The following HS6ST3 variants were observed in gnomAD, a reference collection of about 807,000 sequenced individuals.
The protein encoded by HS6ST3 is heparan-sulfate 6-O-sulfotransferase 3.
A neutral mutation model predicts 36.7 loss-of-function variants in HS6ST3; 12 were observed. The observed-to-expected ratio is 0.33, with a 90% CI of 0.21 to 0.53. HS6ST3 has a LOEUF of 0.53. Among genes scored for constraint, HS6ST3 ranks in the 20% least tolerant of loss-of-function variants. The probability of loss-of-function intolerance (pLI) is 0.95; values close to 1 mark genes in which losing one functional copy is unlikely to be tolerated. For missense variants in HS6ST3, 584 were observed against 640.9 expected, an observed-to-expected ratio of 0.91 and a Z score of 0.96; for synonymous variants, 240 against 257.5, an observed-to-expected ratio of 0.93 and a Z score of 0.65.
intron 1 of HS6ST3, among the ~76,000 whole-genome samples, chr13:96,627,873 CTTCTTT>C (rs1200676976): frequency 2.6e-5 from 4 of 151,672 alleles, no homozygotes; most frequent in Non-Finnish European, 5.9e-5. Flanking sequence ...GAAGTTATAT[CTTCTTT>C]TTCATCTCAG....
At position 96,755,137 on chromosome 13, in the gene HS6ST3, T is replaced by C. The variant is rs549607710; in HGVS notation, c.708-77353T>C. 4.8e-3 allele frequency among the ~76,000 whole-genome samples: 726 copies of C among 152,084 alleles called. 4 individuals carry two copies. The highest frequency in any genetic ancestry group is 7.7e-3 in the Non-Finnish European group (521 of 67,984). Reference sequence around the variant, plus strand: ...ATACATTTTCTTCACCCCAGAAAGTTTTTTTTTGTACTCATTTCTGGTCAA... The same window carrying C: ...ATACATTTTCTTCACCCCAGAAAGTCTTTTTTTGTACTCATTTCTGGTCAA... On this transcript the variant is annotated intron_variant, in intron 1 of 1. Transcript: ENST00000376705.
chr13:96,165,009 A>G (rs1594700768), intron 1 of HS6ST3, among the ~76,000 whole-genome samples: 1 of 152,170 alleles, frequency 6.6e-6, no homozygotes, highest in East Asian at 1.9e-4. Context: ...GTCATGAAAT[A>G]TTGATTTCAG....
At chr13:96,676,171 C>T (rs979905542) in intron 1 of HS6ST3, among the ~76,000 whole-genome samples, 1 of 152,110 alleles carries the variant, frequency 6.6e-6, no homozygotes, top group African/African-American at 2.4e-5. Context: ...ATTCTGGATG[C>T]TGGGAGTTTG....
chr13:96,725,897 C>A (rs1465729117), intron 1 of HS6ST3, among the ~76,000 whole-genome samples: 1 of 151,878 alleles, frequency 6.6e-6, no homozygotes, highest in Admixed American at 6.6e-5. Context: ...AGTGCAGTGG[C>A]GCGATCTCAG....
At chr13:96,328,022 A>G (rs1483650179) in intron 1 of HS6ST3, among the ~76,000 whole-genome samples, 2 of 147,628 alleles carry the variant, frequency 1.4e-5, no homozygotes, top group Non-Finnish European at 1.5e-5. Context: ...ATTTTTCTAC[A>G]TTGATTTTGT....
At chr13:96,473,599 G>A (rs1566371079) in intron 1 of HS6ST3, among the ~76,000 whole-genome samples, 1 of 152,186 alleles carries the variant, frequency 6.6e-6, no homozygotes, top group Non-Finnish European at 1.5e-5. Context: ...CGGCAGCTAG[G>A]TCTACAGAGG....
intron 1 of HS6ST3, among the ~76,000 whole-genome samples, chr13:96,124,407 C>G (rs1050599202): frequency 6.6e-6 from 1 of 152,116 alleles, no homozygotes; most frequent in Non-Finnish European, 1.5e-5. Flanking sequence ...CAGTCTGCTT[C>G]CTTACTGTGA....
At chr13:96,733,676 G>A (rs995086700) in intron 1 of HS6ST3, among the ~76,000 whole-genome samples, 1 of 152,178 alleles carries the variant, frequency 6.6e-6, no homozygotes, top group Non-Finnish European at 1.5e-5. Flanking sequence ...AATGAAATGG[G>A]TATAATAATA....
At chr13:96,471,536 T>G (rs545310509) in intron 1 of HS6ST3, among the ~76,000 whole-genome samples, 1 of 152,224 alleles carries the variant, frequency 6.6e-6, no homozygotes, top group African/African-American at 2.4e-5. Flanking sequence ...AAAAATCCAG[T>G]GAATGATTGA....
intron 1 of HS6ST3, among the ~76,000 whole-genome samples, chr13:96,293,223 G>A (rs1369105209): frequency 6.6e-6 from 1 of 152,074 alleles, no homozygotes; most frequent in Non-Finnish European, 1.5e-5. Flanking sequence ...TCTACTAATA[G>A]TTTTTGAAGG....
chr13:96,318,465 G>A lies in HS6ST3; in HGVS notation c.707+226896G>A, dbSNP rs185677974. Among the ~76,000 whole-genome samples the A allele has an allele frequency of 1.9e-3, 295 of 152,280 alleles. 5 individuals carry two copies. Among genetic ancestry groups the A allele is most frequent in the African/African-American group, 6.7e-3 (280 of 41,544 alleles). ...GGAGAATTGCTTGAACCCGGGAAGCGGAGGTTGCAGTGAGCCTAGATCATG... is the reference window on the plus strand; with the variant it reads ...GGAGAATTGCTTGAACCCGGGAAGCAGAGGTTGCAGTGAGCCTAGATCATG... On this transcript the variant is annotated intron_variant, in intron 1 of 1. Coordinates refer to ENST00000376705, the MANE Select transcript of HS6ST3 (RefSeq NM_153456.4).
intron 1 of HS6ST3, among the ~76,000 whole-genome samples, chr13:96,748,722 G>A (rs1017809001): frequency 7.2e-5 from 11 of 152,000 alleles, no homozygotes; most frequent in African/African-American, 2.7e-4. Context: ...GTCCCTAAAT[G>A]AGTGACTTGC....
At chr13:96,808,560 C>A (rs556740734) in intron 1 of HS6ST3, among the ~76,000 whole-genome samples, 1 of 152,132 alleles carries the variant, frequency 6.6e-6, no homozygotes, top group South Asian at 2.1e-4. Context: ...GTGACTTGAA[C>A]GTAAAATAAG....
intron 1 of HS6ST3, among the ~76,000 whole-genome samples, chr13:96,334,117 G>C (rs1302785861): frequency 1.3e-5 from 2 of 152,196 alleles, no homozygotes; most frequent in African/African-American, 4.8e-5. Flanking sequence ...GAGCTGACTG[G>C]CTTCTAGCCA....
chr13:96,428,148 C>G (rs894421187), intron 1 of HS6ST3, among the ~76,000 whole-genome samples: 2 of 152,116 alleles, frequency 1.3e-5, no homozygotes, highest in Admixed American at 6.5e-5. Context: ...GAGATCAAGA[C>G]TGTCCTGGCT....
intron 1 of HS6ST3, among the ~76,000 whole-genome samples, chr13:96,401,653 C>A (rs574311502): frequency 1.3e-5 from 2 of 152,260 alleles, no homozygotes; most frequent in East Asian, 3.9e-4. Context: ...CGGCTCACTG[C>A]AACCTCCACC....
chr13:96,708,047 G>A (rs1193284134), intron 1 of HS6ST3, among the ~76,000 whole-genome samples: 2 of 152,144 alleles, frequency 1.3e-5, no homozygotes, highest in African/African-American at 2.4e-5. Flanking sequence ...TTAAAGTTAG[G>A]AAATCTAGTA....
intron 1 of HS6ST3, among the ~76,000 whole-genome samples, chr13:96,460,345 A>G (rs771827736): frequency 6.6e-6 from 1 of 152,164 alleles, no homozygotes; most frequent in African/African-American, 2.4e-5. Context: ...AAATTCTTCT[A>G]CTTATTTAAG....
rs146033180 is a variant in HS6ST3 at position 96,668,686 on chromosome 13, CTTTTTTTTTTTTTTTTTTTTTTTTTTTT to C, written c.708-163791_708-163764del. Among the ~76,000 whole-genome samples, 7 of 58,914 alleles carry C rather than the reference CTTTTTTTTTTTTTTTTTTTTTTTTTTTT, an allele frequency of 1.2e-4. 1 individual carries two copies. Among genetic ancestry groups the C allele is most frequent in the Non-Finnish European group, 3.2e-5 (1 of 31,568 alleles). The allele number at this position is 58,914 out of a possible 152,430, so 38.6% of individuals were successfully genotyped here. A position where few individuals can be genotyped will look rare whatever the true frequency, so the allele number is the denominator to read the frequency against. ...GGGAGCTGAGCACAGTAGTGCCAAC[CTTTTTTTTTTTTTTTTTTTTTTTTTTTT>C]TTTTTTTTTTTTGTATCAGGTACAT... On this transcript the variant is annotated intron_variant, in intron 1 of 1. Transcript: ENST00000376705.
Sources: gnomAD v4.1 joint callset for allele counts (sites outside exome capture counted in the v4.1 genomes callset) on GRCh38, gnomAD v4.1.1 for gene constraint, MANE v1.5 for transcripts, NCBI Gene and HGNC (gene_info 2026-07-23, HGNC 2026-07-21) for gene names.